The following NCKAP5 variants were observed in gnomAD, a reference collection of about 807,000 sequenced individuals.
NCKAP5 encodes the protein NCK associated protein 5.
A neutral mutation model predicts 167.0 loss-of-function variants in NCKAP5; 92 were observed. The ratio of observed to expected loss-of-function variants is 0.55; its 90% CI spans 0.47 to 0.66. NCKAP5 has a LOEUF of 0.66. NCKAP5 is among the 30% of genes least tolerant of loss of function. The pLI is 0.00. For missense variants in NCKAP5, 2,378 were observed against 2,315.0 expected (o/e 1.03, Z -0.56); for synonymous variants, 891 against 877.4 (o/e 1.02, Z -0.27).
At chr2:133,553,456 CTGCAGGGA>C (rs1347497816) in intron 2 of NCKAP5, among the ~76,000 whole-genome samples, 1 of 152,174 alleles carries the variant, frequency 6.6e-6, no homozygotes, top group African/African-American at 2.4e-5. Flanking sequence ...GGAACCACAA[CTGCAGGGA>C]TTTGGAAATA....
intron 3 of NCKAP5, among the ~76,000 whole-genome samples, chr2:133,351,199 C>A (rs1684335854): frequency 6.6e-6 from 1 of 150,804 alleles, no homozygotes; most frequent in Admixed American, 6.6e-5. Context: ...ACAACAAAAG[C>A]AAATTGGTTA....
Position 133,407,590 on chromosome 2 carries a change from G to T in NCKAP5, c.70-104480C>A, listed in dbSNP as rs74736167. Among the ~76,000 whole-genome samples the T allele has an allele frequency of 9.0e-3, 1,367 of 152,306 alleles. 20 individuals carry two copies. Among genetic ancestry groups the T allele is most frequent in the African/African-American group, 0.031 (1,272 of 41,556 alleles). ...ACACGCTGAGCCCAGGGCCTATTGA[G>T]AAGAGTCCAGTGCTGTGAATGAGCA... On this transcript the variant is annotated intron_variant, in intron 3 of 19. Transcript: ENST00000409261.
At chr2:133,013,843 T>G (rs921598626) in intron 6 of NCKAP5, among the ~76,000 whole-genome samples, 1 of 152,148 alleles carries the variant, frequency 6.6e-6, no homozygotes, top group African/African-American at 2.4e-5. Context: ...GGTCTCTATT[T>G]TCCTGACTGA....
chr2:133,341,220 T>C (rs1020491923), intron 3 of NCKAP5, among the ~76,000 whole-genome samples: 12 of 151,648 alleles, frequency 7.9e-5, no homozygotes, highest in Non-Finnish European at 1.2e-4. Context: ...TATAGCAACA[T>C]AAAAATGACC....
chr2:132,914,675 CTA>C, intron 8 of NCKAP5, among the ~76,000 whole-genome samples: 1 of 152,004 alleles, frequency 6.6e-6, no homozygotes, highest in South Asian at 2.1e-4. Flanking sequence ...CTTCTGAATT[CTA>C]TGACCACTGA....
At chr2:132,696,032 G>A (rs1687275050) in intron 19 of NCKAP5, among the ~76,000 whole-genome samples, 1 of 152,048 alleles carries the variant, frequency 6.6e-6, no homozygotes, top group Admixed American at 6.6e-5. Flanking sequence ...TAAATCCTGG[G>A]TTGTTTTAAA....
chr2:133,062,407 A>G (rs1406147630), intron 6 of NCKAP5, among the ~76,000 whole-genome samples: 3 of 152,254 alleles, frequency 2.0e-5, no homozygotes, highest in Non-Finnish European at 4.4e-5. Flanking sequence ...TGGAGTAGAG[A>G]TATTAAACAG....
intron 19 of NCKAP5, among the ~76,000 whole-genome samples, chr2:132,681,523 C>G (rs1229527163): frequency 6.6e-6 from 1 of 151,762 alleles, no homozygotes; most frequent in Non-Finnish European, 1.5e-5. Flanking sequence ...CATCACAGTG[C>G]TATGTTTTCA....
intron 15 of NCKAP5, among the ~76,000 whole-genome samples, chr2:132,778,973 ATTTAAAAAAATGAC>A (rs1257942459): frequency 2.0e-5 from 3 of 152,298 alleles, no homozygotes; most frequent in Admixed American, 2.0e-4. Flanking sequence ...TGCATTTTAC[ATTTAAAAAAATGAC>A]TAGCTGGTCA....
At chr2:132,992,402 G>C (rs549055937) in intron 7 of NCKAP5, among the ~76,000 whole-genome samples, 3 of 152,314 alleles carry the variant, frequency 2.0e-5, no homozygotes, top group South Asian at 4.1e-4. Flanking sequence ...TAAGAGCTCA[G>C]AAGAGAATAA....
chr2:132,692,625 T>A (rs1196721760), intron 19 of NCKAP5, among the ~76,000 whole-genome samples: 2 of 152,066 alleles, frequency 1.3e-5, no homozygotes, highest in Non-Finnish European at 2.9e-5. Context: ...GAATAATAAA[T>A]GATGAACCTA....
chr2:133,658,168 A>G, the NCKAP5 span, among the ~76,000 whole-genome samples: 1 of 127,296 alleles, frequency 7.9e-6, no homozygotes, highest in East Asian at 2.6e-4. Context: ...GGGCATCCCC[A>G]GCCAATGGGA....
chr2:133,668,481 A>C, the NCKAP5 span, among the ~76,000 whole-genome samples: 1 of 152,036 alleles, frequency 6.6e-6, no homozygotes, highest in Non-Finnish European at 1.5e-5. Flanking sequence ...TCACAGCAAT[A>C]TTAGCGGGTG....
the NCKAP5 span, among the ~76,000 whole-genome samples, chr2:133,631,729 A>G: frequency 6.6e-6 from 1 of 152,222 alleles, no homozygotes; most frequent in Non-Finnish European, 1.5e-5. Context: ...GGCCAGGTAG[A>G]CTAGTCCCCT....
chr2:133,385,955 T>C (rs1220340714), intron 3 of NCKAP5, among the ~76,000 whole-genome samples: 1 of 151,886 alleles, frequency 6.6e-6, no homozygotes, highest in Non-Finnish European at 1.5e-5. Context: ...TTATTAGTCT[T>C]GTTAGCGGTC....
chr2:132,966,777 T>C (rs74346589), intron 7 of NCKAP5, among the ~76,000 whole-genome samples: 24,247 of 152,126 alleles, frequency 0.16, 2,667 homozygotes, highest in East Asian at 0.48. Flanking sequence ...CCGACACACA[T>C]GTATTTTATC....
rs557147478 is a variant in NCKAP5 at position 132,974,707 on chromosome 2, AACCATGCT to A, written c.430-10846_430-10839del. ...AATCTGTGATCTTTAGCCAAGCGTGAACCATGCTACTGGCAGCGTTTCTCCCAAGGCTC... is the reference window on the plus strand; with the variant it reads ...AATCTGTGATCTTTAGCCAAGCGTGAACTGGCAGCGTTTCTCCCAAGGCTC... On this transcript the variant is annotated intron_variant, in intron 7 of 19. Transcript: ENST00000409261. Among the ~76,000 whole-genome samples the A allele has an allele frequency of 3.3e-4, 50 of 152,354 alleles. No individual in the cohort carries two copies. In the South Asian group the frequency reaches 7.5e-3, roughly 23 times the overall value.
rs1683129209 is a variant in NCKAP5, at chr2:132,782,539, G to A, written c.4272C>T (p.Ala1424=). The stretch of plus-strand genomic sequence containing the variant: ...GCTGAGTCCTCCCTGGGCTCTGCAG[G>A]GCTTCAGGGCAGTCTGTTGGGGTGG... ...CPPTPTDCPE[A]LQSPGRTQHP... Residue 1424 remains alanine (A), a synonymous_variant, in exon 14 of 20, where the codon GCC becomes GCT. Coordinates refer to ENST00000409261, the MANE Select transcript of NCKAP5 (RefSeq NM_207363.3). The A allele has an allele frequency of 2.5e-6, 4 of 1,591,258 alleles. No individual in the cohort carries two copies. The highest frequency in any genetic ancestry group is 3.5e-5 in the Admixed American group (2 of 57,780).
intron 3 of NCKAP5, among the ~76,000 whole-genome samples, chr2:133,393,258 A>G (rs541737921): frequency 2.3e-4 from 35 of 152,340 alleles, no homozygotes; most frequent in African/African-American, 7.9e-4. Flanking sequence ...CCTTGTCAAA[A>G]TCCTACACCT....
Sources: gnomAD v4.1 joint callset for allele counts (sites outside exome capture counted in the v4.1 genomes callset) on GRCh38, gnomAD v4.1.1 for gene constraint, MANE v1.5 for transcripts, NCBI Gene and HGNC (gene_info 2026-07-23, HGNC 2026-07-21) for gene names.